The following RMC1 variants were observed in gnomAD, a reference collection of about 807,000 sequenced individuals.
The protein encoded by RMC1 is regulator of MON1-CCZ1 complex.
In RMC1, 44 loss-of-function variants were observed where a neutral mutation model predicts 95.5. That is an observed-to-expected ratio of 0.46 (90% CI 0.36 to 0.59). The LOEUF (loss-of-function observed/expected upper bound fraction) is 0.59, where lower values mean the gene tolerates loss of function less well. RMC1 is among the 20% of genes least tolerant of loss of function. The pLI is 0.00. For missense variants in RMC1, 705 were observed against 819.6 expected (o/e 0.86, Z 1.71); for synonymous variants, 320 against 303.6 (o/e 1.05, Z -0.56).
In RMC1 at chr18:23,515,928, C is replaced by T; in HGVS notation, c.481C>T (p.Pro161Ser). The T allele has an allele frequency of 6.2e-7, 1 of 1,614,136 alleles. No individual in the cohort carries two copies. The highest frequency in any genetic ancestry group is 8.5e-7 in the Non-Finnish European group (1 of 1,180,032). The change falls in exon 6 of 20, where the codon CCC becomes TCC. Residue 161 changes from proline to serine, a missense_variant. Physicochemically the swap from Pro to Ser is moderately conservative, Grantham distance 74. Transcript: ENST00000269221. ...NLNVNWYMYCPESAVILLSTT... is the reference protein window; with the variant it reads ...NLNVNWYMYCSESAVILLSTT... ...CAATGTGAATTGGTACATGTACTGC[C>T]CCGAGAGCGCCGTGATCTTGCTGTC...
At chr18:23,519,231 T>C in intron 9 of RMC1, 57 bp downstream of exon 9, 1 of 1,518,804 alleles carries the variant, frequency 6.6e-7, no homozygotes, top group African/African-American at 1.4e-5. Context: ...CTTGTGAAAA[T>C]TGGTGGCTGG....
chr18:23,507,892 T>C, intron 3 of RMC1, 93 bp from the exon 4 acceptor site: 1 of 1,063,620 alleles, frequency 9.4e-7, no homozygotes, highest in Non-Finnish European at 1.3e-6. Flanking sequence ...TTTAAGTTAA[T>C]ATTTATTTTT....
chr18:23,503,743 CCCCCGCGCGG>C (rs2057648443), intron 1 of RMC1, 23 bp downstream of exon 1: 1 of 1,577,766 alleles, frequency 6.3e-7, no homozygotes. Context: ...CGCGCTTCCT[CCCCCGCGCGG>C]CCCTGCCGGG....
At chr18:23,518,825 G>A (rs2058073830) in intron 7 of RMC1, 65 bp from the exon 8 acceptor site, 4 of 1,421,554 alleles carry the variant, frequency 2.8e-6, no homozygotes, top group Middle Eastern at 3.5e-4. Context: ...TAACCGTGAT[G>A]CCATTTAGAA....
chr18:23,529,032 C>T, intron 14 of RMC1, 147 bp from the exon 15 acceptor site: 1 of 1,320,004 alleles, frequency 7.6e-7, no homozygotes, highest in Non-Finnish European at 1.0e-6. Flanking sequence ...GGCATGCGCA[C>T]AGGAAAAAGT....
chr18:23,530,717 ACAC>A lies in RMC1; in HGVS notation c.1894+106_1894+108del, dbSNP rs1329850912. The A allele has an allele frequency of 3.7e-6, 4 of 1,071,778 alleles. No homozygotes were observed. The African/African-American group carries it at 6.4e-5, about 17-fold the overall frequency. 66.4% of individuals were successfully genotyped at this position (1,071,778 alleles called of 1,614,324 possible). ...CCCTGGGTTAGCATTTTTGTAAACA[ACAC>A]AATTTGATAACAGCCCACCTAGCCC... On this transcript the variant is annotated intron_variant, in intron 19 of 19. Transcript: ENST00000269221.
intron 5 of RMC1, among the ~76,000 whole-genome samples, chr18:23,510,367 G>T (rs901276855): frequency 8.5e-5 from 13 of 152,076 alleles, no homozygotes; most frequent in Admixed American, 8.5e-4. Flanking sequence ...GTGGGCAAAG[G>T]CCAGGTACAG....
At position 23,520,244 on chromosome 18, in the gene RMC1, G is replaced by A. The variant is rs771005240; in HGVS notation, c.892G>A (p.Gly298Ser). 28 of 1,613,908 alleles carry A rather than the reference G, an allele frequency of 1.7e-5. No homozygotes were observed. The highest frequency in any genetic ancestry group is 9.4e-5 in the African/African-American group (7 of 74,844). Reference sequence around the variant, plus strand: ...TATCAAGTTACGGGGAGAGTTTGACGGCTCCGTTACCTTCCACCACCCCGT... The same window carrying A: ...TATCAAGTTACGGGGAGAGTTTGACAGCTCCGTTACCTTCCACCACCCCGT... ...FDIKLRGEFD[G>S]SVTFHHPVLP... is the part of the protein sequence containing the mutation. The change falls in exon 10 of 20, where the codon GGC becomes AGC. Residue 298 changes from glycine to serine, a missense_variant. Gly to Ser is a moderately conservative substitution (Grantham distance 56, BLOSUM62 0). Coordinates refer to ENST00000269221, the MANE Select transcript of RMC1 (RefSeq NM_013326.5).
intron 13 of RMC1, among the ~76,000 whole-genome samples, chr18:23,527,171 C>A (rs976301862): frequency 2.8e-5 from 4 of 144,686 alleles, no homozygotes; most frequent in Non-Finnish European, 6.0e-5. Context: ...ATTGCCTGAG[C>A]CTAGGAGTTC....
Position 23,507,067 on chromosome 18 carries a change from T to G in RMC1, c.264+13T>G. The G allele has an allele frequency of 6.5e-7, 1 of 1,543,904 alleles. No individual in the cohort carries two copies. Among genetic ancestry groups the G allele is most frequent in the Non-Finnish European group, 8.9e-7 (1 of 1,128,786 alleles). ...CTCAAAGACTGTGGTAAGACTTATCTTTAAAATACAGCATTAAAGGGCATT... is the reference window on the plus strand; with the variant it reads ...CTCAAAGACTGTGGTAAGACTTATCGTTAAAATACAGCATTAAAGGGCATT... On this transcript the variant is annotated intron_variant, in intron 3 of 19. Transcript: ENST00000269221.
chr18:23,503,707 A>T lies in RMC1; in HGVS notation c.89A>T (p.Glu30Val). ...CCTGTCAACTGCGTCTTCTTCGATG[A>T]GGCCAACAAGCAGGTCCGGCGCGCC... Reference protein sequence around the residue: ...ANPVNCVFFDEANKQVFAVRS... With the variant: ...ANPVNCVFFDVANKQVFAVRS... The change falls in exon 1 of 20, where the codon GAG becomes GTG. Residue 30 changes from glutamate (E) to valine (V), a missense_variant. Glu to Val is a moderately radical substitution (Grantham distance 121). Coordinates refer to ENST00000269221, the MANE Select transcript of RMC1 (RefSeq NM_013326.5). The T allele has an allele frequency of 6.3e-7, 1 of 1,589,764 alleles. No individual in the cohort carries two copies. The highest frequency in any genetic ancestry group is 8.6e-7 in the Non-Finnish European group (1 of 1,168,850).
intron 4 of RMC1, 57 bp downstream of exon 4, chr18:23,508,098 G>A: frequency 6.7e-7 from 1 of 1,503,434 alleles, no homozygotes; most frequent in South Asian, 1.3e-5. Flanking sequence ...GCTGGGTTAT[G>A]TAGTGGAGAG....
At position 23,516,354 on chromosome 18, in the gene RMC1, T is replaced by C. The variant is rs1329664929; in HGVS notation, c.584T>C (p.Ile195Thr). ...ATGTCGAAGCTGCCCAAATTTGAGA[T>C]TGAATTACCAGCTGCGCCTAAGTCA... is the stretch of plus-strand genomic sequence containing the variant. The part of the protein sequence containing the change: ...GTMSKLPKFE[I>T]ELPAAPKSTK... The change falls in exon 7 of 20, where the codon ATT becomes ACT. Residue 195 changes from isoleucine to threonine, a missense_variant. Ile to Thr is a moderately conservative substitution (Grantham distance 89). Transcript: ENST00000269221. 2 of 1,614,128 alleles carry C rather than the reference T, an allele frequency of 1.2e-6. No individual in the cohort carries two copies. The highest frequency in any genetic ancestry group is 1.7e-6 in the Non-Finnish European group (2 of 1,180,060).
chr18:23,526,452 CGCTCCTGAATT>C (rs949123019), intron 12 of RMC1, among the ~76,000 whole-genome samples, 174 bp from the exon 13 acceptor site: 30 of 152,254 alleles, frequency 2.0e-4, no homozygotes, highest in Admixed American at 1.6e-3. Flanking sequence ...GTGGTAGACA[CGCTCCTGAATT>C]GCTCCTGAAT....
chr18:23,530,188 G>A (rs1259820854), intron 17 of RMC1, 41 bp from the exon 18 acceptor site: 14 of 1,613,670 alleles, frequency 8.7e-6, no homozygotes, highest in East Asian at 2.2e-5. Context: ...AATTTTAACC[G>A]TTATCTTTCC....
intron 13 of RMC1, 41 bp from the exon 14 acceptor site, chr18:23,527,754 G>T (rs2058348897): frequency 1.3e-6 from 2 of 1,498,558 alleles, no homozygotes; most frequent in Non-Finnish European, 1.9e-6. Flanking sequence ...AAGCTGACAT[G>T]AAGTTGGTTT....
intron 14 of RMC1, chr18:23,528,354 A>T (rs2058369966): frequency 1.3e-5 from 2 of 156,916 alleles, no homozygotes; most frequent in South Asian, 1.9e-4. Flanking sequence ...AGCACTTAGC[A>T]GGCGTGTTTG....
At position 23,519,052 on chromosome 18, in the gene RMC1, T is replaced by C; in HGVS notation, c.744-17T>C. 6 of 1,613,728 alleles carry C rather than the reference T, an allele frequency of 3.7e-6. No individual in the cohort carries two copies. The highest frequency in any genetic ancestry group is 4.2e-6 in the Non-Finnish European group (5 of 1,179,594). On this transcript the variant is annotated splice_polypyrimidine_tract_variant and intron_variant, in intron 8 of 19. Transcript: ENST00000269221. Reference sequence around the variant, plus strand: ...AACTGCAGCTTGTTGATCTGTTTTTTGCTTTCTATCCTACAGAGAAGGTGC... The same window carrying C: ...AACTGCAGCTTGTTGATCTGTTTTTCGCTTTCTATCCTACAGAGAAGGTGC...
At position 23,526,652 on chromosome 18, in the gene RMC1, T is replaced by TC; in HGVS notation, c.1078dup (p.Gln360ProfsTer5). 5.6e-6 allele frequency: 9 copies of TC among 1,614,062 alleles called. No homozygotes were observed. Among genetic ancestry groups the TC allele is most frequent in the Non-Finnish European group, 7.6e-6 (9 of 1,179,962 alleles). ...TAAAATCCAGGTTACCTCTGGAACCTCCAAGTGAAACTTGAGCCCATAGTA... is the reference window on the plus strand; with the variant it reads ...TAAAATCCAGGTTACCTCTGGAACCTCCCAAGTGAAACTTGAGCCCATAGTA... On this transcript the variant is annotated frameshift_variant, in exon 13 of 20. Transcript: ENST00000269221. LOFTEE classifies it high-confidence loss of function.
Sources: gnomAD v4.1 joint callset for allele counts (sites outside exome capture counted in the v4.1 genomes callset) on GRCh38, gnomAD v4.1.1 for gene constraint, MANE v1.5 for transcripts, NCBI Gene and HGNC (gene_info 2026-07-23, HGNC 2026-07-21) for gene names.